Variants in HDAC4 observed in about 807,000 individuals in gnomAD.
HDAC4 encodes histone deacetylase 4.
Under a neutral mutation model 135.1 loss-of-function variants are expected in HDAC4, and 16 were observed. The ratio of observed to expected loss-of-function variants is 0.12; its 90% CI spans 0.08 to 0.18. HDAC4 has a LOEUF of 0.18. Among genes scored for constraint, HDAC4 ranks in the 10% least tolerant of loss-of-function variants. HDAC4 has a pLI of 1.00. For synonymous variants in HDAC4, 685 were observed against 653.4 expected (o/e 1.05, Z -0.74); for missense variants, 1,143 against 1,511.8 (o/e 0.76, Z 4.05).
At chr2:239,099,736 G>A (rs149164980) in intron 16 of HDAC4, among the ~76,000 whole-genome samples, 6 of 152,314 alleles carry the variant, frequency 3.9e-5, no homozygotes, top group African/African-American at 1.4e-4. Context: ...TCTCCCCAAG[G>A]AGCGCGTGCC....
rs1239254907 is a variant in HDAC4 at position 239,299,850 on chromosome 2, G to A, written c.22+52828C>T. Among the ~76,000 whole-genome samples, 4 of 152,200 alleles carry A rather than the reference G, an allele frequency of 2.6e-5. No homozygotes were observed. The highest frequency in any genetic ancestry group is 4.4e-5 in the Non-Finnish European group (3 of 68,040). Reference sequence around the variant, plus strand: ...AGACGAACCAAACCAGCAACAGAGCGGAGAGCCTGCAGGGACGCAGCTGGG... The same window carrying A: ...AGACGAACCAAACCAGCAACAGAGCAGAGAGCCTGCAGGGACGCAGCTGGG... On this transcript the variant is annotated intron_variant, in intron 2 of 26. Transcript: ENST00000543185. The surrounding 1 kb of genome is among the most constrained non-coding windows in gnomAD (Gnocchi z 4.0).
chr2:239,220,889 C>A (rs1559244304), intron 3 of HDAC4, among the ~76,000 whole-genome samples: 1 of 152,204 alleles, frequency 6.6e-6, no homozygotes, highest in Non-Finnish European at 1.5e-5. Flanking sequence ...TGCAGGTACC[C>A]TTCCGCCAGG....
chr2:239,207,191 A>G (rs1163236526), intron 3 of HDAC4, among the ~76,000 whole-genome samples: 2 of 152,210 alleles, frequency 1.3e-5, no homozygotes, highest in Non-Finnish European at 2.9e-5. Context: ...ATAACAGTTA[A>G]AAAGAATAAG....
chr2:239,253,138 C>CT (rs761457119), intron 2 of HDAC4, among the ~76,000 whole-genome samples: 23 of 152,236 alleles, frequency 1.5e-4, no homozygotes, highest in Non-Finnish European at 3.2e-4. Flanking sequence ...AACAAATCCA[C>CT]TTCCTATCAC....
intron 1 of HDAC4, among the ~76,000 whole-genome samples, chr2:239,398,664 G>A (rs1039155995): frequency 6.6e-6 from 1 of 152,206 alleles, no homozygotes; most frequent in Non-Finnish European, 1.5e-5. Flanking sequence ...CAAGGCCTCC[G>A]AGAATATGGC....
At chr2:239,158,826 T>C (rs1305090379) in intron 6 of HDAC4, among the ~76,000 whole-genome samples, 2 of 152,032 alleles carry the variant, frequency 1.3e-5, no homozygotes, top group Non-Finnish European at 2.9e-5. Flanking sequence ...CGCACACGCG[T>C]GCCCTCCGCG....
intron 9 of HDAC4, 99 bp from the exon 10 acceptor site, chr2:239,134,742 C>A (rs2040832208): frequency 1.2e-6 from 1 of 868,966 alleles, no homozygotes; most frequent in Non-Finnish European, 2.0e-6. Flanking sequence ...GCACTGAATT[C>A]TGATATATGA....
At chr2:239,360,507 T>C (rs888237983) in intron 1 of HDAC4, among the ~76,000 whole-genome samples, 1 of 152,246 alleles carries the variant, frequency 6.6e-6, no homozygotes, top group African/African-American at 2.4e-5. Context: ...TTGTGACTCA[T>C]GTGCTCGCTT....
chr2:239,208,326 C>CAAAAAAAAAAAAAA (rs759398313), intron 3 of HDAC4, among the ~76,000 whole-genome samples: 2 of 68,206 alleles, frequency 2.9e-5, no homozygotes, highest in Non-Finnish European at 4.7e-5. Context: ...GACTCCGTCC[C>CAAAAAAAAAAAAAA]AAAAAAAAAA....
rs559521667 is a variant in HDAC4 at position 239,376,120 on chromosome 2, C to G, written c.-219-23202G>C. The stretch of plus-strand genomic sequence containing the variant: ...CTCACAACCCTCCACCATCCAAACA[C>G]CAAGGCAGGTGCTGTGTGCTCACAA... On this transcript the variant is annotated intron_variant, in intron 1 of 26. Transcript: ENST00000543185. Among the ~76,000 whole-genome samples the G allele has an allele frequency of 1.1e-4, 17 of 150,354 alleles. 1 individual carries two copies. The highest frequency in any genetic ancestry group is 4.2e-4 in the African/African-American group (17 of 40,826).
chr2:239,252,240 C>T (rs1485781314), intron 2 of HDAC4, among the ~76,000 whole-genome samples: 1 of 152,212 alleles, frequency 6.6e-6, no homozygotes, highest in African/African-American at 2.4e-5. Flanking sequence ...GCCTGTGATG[C>T]CACATGAGCC....
At chr2:239,297,485 G>C (rs893054243) in intron 2 of HDAC4, among the ~76,000 whole-genome samples, 51 of 152,384 alleles carry the variant, frequency 3.3e-4, no homozygotes, top group African/African-American at 1.2e-3. Context: ...CAGAGGTCAA[G>C]TCCAGACTCT....
At chr2:239,326,221 TACGAGTGA>T (rs1236200861) in intron 2 of HDAC4, among the ~76,000 whole-genome samples, 1 of 151,950 alleles carries the variant, frequency 6.6e-6, no homozygotes, top group East Asian at 1.9e-4. Context: ...CATGCCACAA[TACGAGTGA>T]ACCCTGACAC....
At chr2:239,278,444 G>A (rs2050517901) in intron 2 of HDAC4, among the ~76,000 whole-genome samples, 2 of 152,258 alleles carry the variant, frequency 1.3e-5, no homozygotes, top group Non-Finnish European at 2.9e-5. Flanking sequence ...GGGAGGCTGA[G>A]GCAGGCAGAT....
In HDAC4 at chr2:239,231,967, G is replaced by T. The variant is rs547694304; in HGVS notation, c.94+4626C>A. ...CGAGGCTGCTGAGCACCTGCTCCCG[G>T]ATGCCTGAGGTAGGCGTCCTCCCCG... On this transcript the variant is annotated intron_variant, in intron 3 of 26. Coordinates refer to ENST00000543185, the MANE Select transcript of HDAC4 (RefSeq NM_001378414.1). Among the ~76,000 whole-genome samples the T allele has an allele frequency of 8.6e-4, 101 of 118,124 alleles. 2 individuals carry two copies. Among genetic ancestry groups the T allele is most frequent in the South Asian group, 6.0e-3 (17 of 2,852 alleles). The allele number at this position is 118,124 out of a possible 152,430, so 77.5% of individuals were successfully genotyped here.
chr2:239,230,840 G>T (rs144878294), intron 3 of HDAC4, among the ~76,000 whole-genome samples: 331 of 152,234 alleles, frequency 2.2e-3, no homozygotes, highest in African/African-American at 7.7e-3. Flanking sequence ...TTGCAGATTT[G>T]TACCAGATTC....
intron 2 of HDAC4, among the ~76,000 whole-genome samples, chr2:239,249,115 G>A (rs919445842): frequency 1.3e-5 from 2 of 152,200 alleles, no homozygotes; most frequent in East Asian, 1.9e-4. Flanking sequence ...CATTTGAGCC[G>A]ACACCTGAAG....
intron 2 of HDAC4, among the ~76,000 whole-genome samples, chr2:239,288,835 C>CA: frequency 6.6e-6 from 1 of 152,064 alleles, no homozygotes; most frequent in Non-Finnish European, 1.5e-5. Flanking sequence ...GCCACACACA[C>CA]AAATATACTG....
intron 12 of HDAC4, among the ~76,000 whole-genome samples, chr2:239,123,998 G>C (rs540327707): frequency 1.3e-5 from 2 of 151,968 alleles, no homozygotes; most frequent in South Asian, 2.1e-4. Flanking sequence ...ATCCAGGGAA[G>C]CAACGGGGGT....
Sources: allele counts gnomAD v4.1 joint callset (sites outside exome capture counted in the v4.1 genomes callset), GRCh38; gene constraint gnomAD v4.1.1; non-coding constraint Gnocchi (gnomAD v3.1); transcripts MANE v1.5; gene names NCBI Gene and HGNC (gene_info 2026-07-23, HGNC 2026-07-21).